The following MAPKBP1 variants were observed in gnomAD, a reference collection of about 807,000 sequenced individuals.
MAPKBP1 encodes mitogen-activated protein kinase binding protein 1.
A neutral mutation model predicts 170.5 loss-of-function variants in MAPKBP1; 71 were observed. That is an observed-to-expected ratio of 0.42 (90% CI 0.34 to 0.51). The LOEUF is 0.51. Ranked by LOEUF, MAPKBP1 falls within the 20% of genes least tolerant of loss-of-function variation. MAPKBP1 has a pLI of 0.06. For missense variants in MAPKBP1, 1,598 were observed against 1,933.0 expected (o/e 0.83, Z 3.25); for synonymous variants, 719 against 757.9 (o/e 0.95, Z 0.84).
Position 41,824,512 on chromosome 15 carries a change from G to T in MAPKBP1, c.4242G>T (p.Glu1414Asp). The change falls in exon 30 of 31, where the codon GAG becomes GAT. Residue 1414 changes from glutamate (E) to aspartate (D), a missense_variant. By Grantham distance (45) the Glu-to-Asp change is conservative. This residue lies in a region of MAPKBP1 where 942 missense variants were observed against 953.2 expected (regional missense o/e 0.99). Transcript: ENST00000457542. ...CAGCGGTGAGCCTGGAGCAGTGTGAGCAGCTGGTGGCAGAGCTCCGCGGCA... is the reference window on the plus strand; with the variant it reads ...CAGCGGTGAGCCTGGAGCAGTGTGATCAGCTGGTGGCAGAGCTCCGCGGCA... ...SEPAVSLEQC[E>D]QLVAELRGSV... is the part of the protein sequence containing the mutation. 6.2e-7 allele frequency: 1 copy of T among 1,601,780 alleles called. No homozygotes were observed.
At chr15:41,786,754 G>A (rs2064298934) in intron 2 of MAPKBP1, among the ~76,000 whole-genome samples, 1 of 28,548 alleles carries the variant, frequency 3.5e-5, no homozygotes. Flanking sequence ...GACAGAGCCA[G>A]ACTCCGTCTA....
At position 41,774,517 on chromosome 15, in the gene MAPKBP1, C is replaced by G. The variant is rs1209745096; in HGVS notation, c.-203C>G. On this transcript the variant is annotated 5_prime_UTR_variant, in exon 1 of 31. Transcript: ENST00000457542. Reference sequence around the variant, plus strand: ...CGTGCCACCATAGCTCCTGCTGCTGCCTCTACCGCTGCGGCTACCGCGGCG... The same window carrying G: ...CGTGCCACCATAGCTCCTGCTGCTGGCTCTACCGCTGCGGCTACCGCGGCG... 2.5e-6 allele frequency: 1 copy of G among 398,438 alleles called. No individual in the cohort carries two copies. Among genetic ancestry groups the G allele is most frequent in the Non-Finnish European group, 4.4e-6 (1 of 225,994 alleles). The allele number at this position is 398,438 out of a possible 1,614,324, so 24.7% of individuals were successfully genotyped here.
Position 41,819,054 on chromosome 15 carries a change from A to G in MAPKBP1, c.2291+97A>G, listed in dbSNP as rs777034064. On this transcript the variant is annotated intron_variant, in intron 20 of 30. Coordinates refer to ENST00000457542, the MANE Select transcript of MAPKBP1 (RefSeq NM_014994.3). ...CATGCTTTGGGCCTGCCATTCAGCA[A>G]CTCTGTCTCCCAAGACCTTACCTCT... 1.2e-4 allele frequency: 193 copies of G among 1,555,242 alleles called. 1 individual carries two copies. The highest frequency in any genetic ancestry group is 1.6e-4 in the Non-Finnish European group (188 of 1,143,470).
Position 41,775,194 on chromosome 15 carries a change from C to T in MAPKBP1, c.-82C>T, listed in dbSNP as rs1358930864. On this transcript the variant is annotated 5_prime_UTR_variant, in exon 2 of 31. Transcript: ENST00000457542. ...CAGTGAGAGGGCATACTGGGAAGCC[C>T]TCTGGAGTGGGAAGACAGTGCCGCT... 6 of 1,102,290 alleles carry T rather than the reference C, an allele frequency of 5.4e-6. No individual in the cohort carries two copies. The highest frequency in any genetic ancestry group is 8.2e-6 in the Non-Finnish European group (6 of 728,906). 68.3% of individuals were successfully genotyped at this position (1,102,290 alleles called of 1,614,324 possible).
Position 41,817,872 on chromosome 15 carries a change from C to G in MAPKBP1, c.1904+137C>G. Reference sequence around the variant, plus strand: ...TGAGCCTACAGTACTTTGCTTCACCCAAGAGGTGGTAGCCTGTTTGCTGCT... The same window carrying G: ...TGAGCCTACAGTACTTTGCTTCACCGAAGAGGTGGTAGCCTGTTTGCTGCT... On this transcript the variant is annotated intron_variant, in intron 16 of 30. Transcript: ENST00000457542. This position sits in a 1 kb window ranked among gnomAD's most constrained non-coding sequence, Gnocchi z 4.2. The G allele has an allele frequency of 6.5e-7, 1 of 1,539,624 alleles. No homozygotes were observed.
Position 41,824,543 on chromosome 15 carries a change from C to T in MAPKBP1, c.4273C>T (p.Arg1425Cys), listed in dbSNP as rs142827185. 7.7e-5 allele frequency: 124 copies of T among 1,601,808 alleles called. 1 individual carries two copies. The highest frequency in any genetic ancestry group is 3.1e-4 in the South Asian group (28 of 88,994). Residue 1425 changes from arginine (R) to cysteine (C), a missense_variant, in exon 30 of 31, where the codon CGC becomes TGC. Physicochemically the swap from Arg to Cys is radical, Grantham distance 180 (BLOSUM62 -3). This residue lies in a region of MAPKBP1 where 942 missense variants were observed against 953.2 expected (regional missense o/e 0.99). Transcript: ENST00000457542. ...GGTGGCAGAGCTCCGCGGCAGCGTG[C>T]GCCAGGCAGTGCGGCTCTACCACTC... ...QLVAELRGSV[R>C]QAVRLYHSVA...
chr15:41,808,793 C>T (rs953238729), intron 3 of MAPKBP1, among the ~76,000 whole-genome samples: 1 of 152,042 alleles, frequency 6.6e-6, no homozygotes, highest in Admixed American at 6.6e-5. Context: ...CTTTTTAAAA[C>T]CCTCCTGACT....
At chr15:41,785,069 T>C (rs1248924865) in intron 2 of MAPKBP1, among the ~76,000 whole-genome samples, 1 of 152,210 alleles carries the variant, frequency 6.6e-6, no homozygotes, top group African/African-American at 2.4e-5. Context: ...GAAAACACAT[T>C]GTAAGTTTTA....
intron 2 of MAPKBP1, among the ~76,000 whole-genome samples, chr15:41,779,128 T>C (rs2064141979): frequency 6.6e-6 from 1 of 152,174 alleles, no homozygotes; most frequent in Non-Finnish European, 1.5e-5. Context: ...GTTGGGTGGG[T>C]TTCATGAAGG....
At chr15:41,812,871 G>A in intron 7 of MAPKBP1, 48 bp from the exon 8 acceptor site, 14 of 1,545,430 alleles carry the variant, frequency 9.1e-6, no homozygotes, top group Non-Finnish European at 1.2e-5. Context: ...AGTTTCCAGG[G>A]GCAGGCTCTG....
At chr15:41,790,763 C>G (rs1819375273) in intron 2 of MAPKBP1, among the ~76,000 whole-genome samples, 1 of 152,216 alleles carries the variant, frequency 6.6e-6, no homozygotes, top group South Asian at 2.1e-4. Flanking sequence ...GGTCTGCTCT[C>G]TTCTTCAGCT....
intron 2 of MAPKBP1, among the ~76,000 whole-genome samples, chr15:41,794,788 TG>T (rs2152072433): frequency 6.6e-6 from 1 of 152,270 alleles, no homozygotes; most frequent in South Asian, 2.1e-4. Flanking sequence ...CACATTCTGA[TG>T]GGACAGACAG....
chr15:41,823,552 C>G lies in MAPKBP1; in HGVS notation c.3704C>G (p.Pro1235Arg). Residue 1235 changes from proline to arginine, a missense_variant, in exon 29 of 31, where the codon CCG (proline) becomes CGG (arginine). Pro to Arg is a moderately radical substitution (Grantham distance 103). Around this residue, in one of 6 missense-constraint regions of MAPKBP1, gnomAD observed 942 missense variants for 953.2 expected, o/e 0.99. Coordinates refer to ENST00000457542, the MANE Select transcript of MAPKBP1 (RefSeq NM_014994.3). ...TCCCTGCCCCCAGCTGATGGCCGTC[C>G]GTCTCGGCCTCACTCCTATCAGAAC... Reference protein sequence around the residue: ...LGSLPPADGRPSRPHSYQNPT... With the variant: ...LGSLPPADGRRSRPHSYQNPT... 1.9e-6 allele frequency: 3 copies of G among 1,614,176 alleles called. No homozygotes were observed. Among genetic ancestry groups the G allele is most frequent in the Non-Finnish European group, 2.5e-6 (3 of 1,180,016 alleles).
chr15:41,786,503 A>G lies in MAPKBP1; in HGVS notation c.114+11114A>G, dbSNP rs111961376. 3.6e-3 allele frequency among the ~76,000 whole-genome samples: 546 copies of G among 151,856 alleles called. 1 individual carries two copies. The highest frequency in any genetic ancestry group is 6.2e-3 in the Non-Finnish European group (424 of 67,946). On this transcript the variant is annotated intron_variant, in intron 2 of 30. Transcript: ENST00000457542. Reference sequence around the variant, plus strand: ...GGTATAGCCGGGCGTGGTGGCTCACACCTGTAATCCCAGCACTTTGGGAGG... The same window carrying G: ...GGTATAGCCGGGCGTGGTGGCTCACGCCTGTAATCCCAGCACTTTGGGAGG...
chr15:41,825,123 A>G (rs2065067799), intron 30 of MAPKBP1, 86 bp from the exon 31 acceptor site: 1 of 990,050 alleles, frequency 1.0e-6, no homozygotes, highest in Non-Finnish European at 1.5e-6. Flanking sequence ...GTCCCTTCTG[A>G]GGCAGGCTGG....
intron 3 of MAPKBP1, among the ~76,000 whole-genome samples, chr15:41,810,279 C>T (rs1400143178): frequency 6.6e-6 from 1 of 152,142 alleles, no homozygotes. Context: ...TCCCTGCTGC[C>T]CTTTGTGGGT....
In MAPKBP1 at chr15:41,817,028, G is replaced by A; in HGVS notation, c.1704G>A (p.Lys568=). The change falls in exon 14 of 31, where the codon AAG becomes AAA. Residue 568 remains lysine (K), a synonymous_variant. Coordinates refer to ENST00000457542, the MANE Select transcript of MAPKBP1 (RefSeq NM_014994.3). This position sits in a 1 kb window ranked among gnomAD's most constrained non-coding sequence, Gnocchi z 4.2. ...DEHSSSITAV[K]FAASDGQVRM... ...ACTCATCCTCCATCACTGCTGTTAA[G>A]TTTGCAGGTGCGGGCAGGGTGAATG... 1 of 1,588,260 alleles carries A rather than the reference G, an allele frequency of 6.3e-7. No homozygotes were observed. The highest frequency in any genetic ancestry group is 1.1e-5 in the South Asian group (1 of 88,216).
chr15:41,787,341 C>T (rs138654891), intron 2 of MAPKBP1, among the ~76,000 whole-genome samples: 1 of 149,922 alleles, frequency 6.7e-6, no homozygotes, highest in East Asian at 2.0e-4. Flanking sequence ...TTTTGATCAA[C>T]ATAGTCGCTT....
At position 41,817,689 on chromosome 15, in the gene MAPKBP1, C is replaced by T. The variant is rs1375771803; in HGVS notation, c.1858C>T (p.Pro620Ser). 2 of 1,614,176 alleles carry T rather than the reference C, an allele frequency of 1.2e-6. No individual in the cohort carries two copies. Among genetic ancestry groups the T allele is most frequent in the Admixed American group, 3.3e-5 (2 of 60,020 alleles). ...GACCCTCTATGACATGGATGTGGAG[C>T]CCAGCTGGAAGTACACGGCTATCGG... ...KTTLYDMDVE[P>S]SWKYTAIGCQ... The change falls in exon 16 of 31, where the codon CCC (proline) becomes TCC (serine). Residue 620 changes from proline to serine, a missense_variant. By Grantham distance (74) the Pro-to-Ser change is moderately conservative. Around this residue, in one of 6 missense-constraint regions of MAPKBP1, gnomAD observed 430 missense variants for 617.2 expected, o/e 0.70. Transcript: ENST00000457542. This position sits in a 1 kb window ranked among gnomAD's most constrained non-coding sequence, Gnocchi z 4.2.
Sources: allele counts gnomAD v4.1 joint callset (sites outside exome capture counted in the v4.1 genomes callset), GRCh38; gene constraint gnomAD v4.1.1; regional missense constraint gnomAD v4.1.1; non-coding constraint Gnocchi (gnomAD v3.1); transcripts MANE v1.5; gene names NCBI Gene and HGNC (gene_info 2026-07-23, HGNC 2026-07-21).